Variants in CALN1 observed in about 807,000 individuals in gnomAD.
CALN1 encodes the protein calcium-binding protein 8.
CALN1 carries 17 observed loss-of-function variants against 30.6 expected under a neutral mutation model. That is an observed-to-expected ratio of 0.56 (90% CI 0.38 to 0.83). The LOEUF (loss-of-function observed/expected upper bound fraction) is 0.83, where lower values mean the gene tolerates loss of function less well. Among genes scored for constraint, CALN1 ranks in the 40% least tolerant of loss-of-function variants. CALN1 has a pLI of 0.00. For synonymous variants in CALN1, 156 were observed against 131.4 expected, an observed-to-expected ratio of 1.19 and a Z score of -1.28; for missense variants, 291 against 354.9, an observed-to-expected ratio of 0.82 and a Z score of 1.45.
chr7:72,439,404 G>A (rs6946008), intron 1 of CALN1, among the ~76,000 whole-genome samples: 16,026 of 151,998 alleles, frequency 0.11, 1,121 homozygotes, highest in African/African-American at 0.2. Flanking sequence ...TACTGATAAC[G>A]TAAACAGTTG....
chr7:72,395,792 G>C (rs1402264080), intron 2 of CALN1, among the ~76,000 whole-genome samples: 1 of 152,238 alleles, frequency 6.6e-6, no homozygotes, highest in East Asian at 1.9e-4. Context: ...AGCAAGCAAA[G>C]CATGCTTGTT....
intron 4 of CALN1, among the ~76,000 whole-genome samples, chr7:72,041,918 G>T (rs1342953044): frequency 6.6e-6 from 1 of 152,166 alleles, no homozygotes; most frequent in Non-Finnish European, 1.5e-5. Flanking sequence ...TGCCGTGATT[G>T]TGAGGCCTCC....
At chr7:72,310,876 G>A (rs1339466667) in intron 2 of CALN1, among the ~76,000 whole-genome samples, 3 of 142,224 alleles carry the variant, frequency 2.1e-5, no homozygotes, top group East Asian at 2.0e-4. Context: ...GCACTCTGTC[G>A]CCAGCCTGGC....
In CALN1 at chr7:71,846,835, A is replaced by ATATATG. The variant is rs34506098; in HGVS notation, c.502-36344_502-36343insCATATA. On this transcript the variant is annotated intron_variant, in intron 5 of 6. Coordinates refer to ENST00000395275, the MANE Select transcript of CALN1 (RefSeq NM_031468.4). ...TATATACATAAATATGTGTATATAC[A>ATATATG]TGTGTATATATTATATATGTATATA... is the stretch of plus-strand genomic sequence containing the variant. Among the ~76,000 whole-genome samples the ATATATG allele has an allele frequency of 2.2e-3, 319 of 144,268 alleles. 1 individual carries two copies. Among genetic ancestry groups the ATATATG allele is most frequent in the African/African-American group, 7.7e-3 (304 of 39,336 alleles). The allele number at this position is 144,268 out of a possible 152,430, so 94.6% of individuals were successfully genotyped here. A position where few individuals can be genotyped will look rare whatever the true frequency, so the allele number is the denominator to read the frequency against.
chr7:71,887,694 G>T (rs1343509944), intron 5 of CALN1, among the ~76,000 whole-genome samples: 3 of 152,126 alleles, frequency 2.0e-5, no homozygotes, highest in African/African-American at 7.2e-5. Flanking sequence ...AAAGCAAGAG[G>T]TCATCAAGGT....
chr7:72,377,264 T>C (rs1006262354), intron 2 of CALN1, among the ~76,000 whole-genome samples: 4 of 152,214 alleles, frequency 2.6e-5, no homozygotes, highest in Non-Finnish European at 5.9e-5. Context: ...TGCAGGTCAA[T>C]TTGGGGACTC....
intron 1 of CALN1, among the ~76,000 whole-genome samples, chr7:72,411,667 GA>G (rs1585696708): frequency 6.6e-6 from 1 of 152,154 alleles, no homozygotes; most frequent in East Asian, 1.9e-4. Context: ...CCTAAAAGTG[GA>G]TAAGTTCTCA....
intron 3 of CALN1, among the ~76,000 whole-genome samples, chr7:72,270,093 GTGTGTGTGTGTGTGTATGTA>G (rs1347184198): frequency 6.8e-6 from 1 of 148,008 alleles, no homozygotes; most frequent in Non-Finnish European, 1.5e-5. Flanking sequence ...GGGTGTTTCC[GTGTGTGTGTGTGTGTATGTA>G]TGTGTGTGTG....
At chr7:72,025,765 T>C (rs1414661146) in intron 4 of CALN1, among the ~76,000 whole-genome samples, 1 of 152,168 alleles carries the variant, frequency 6.6e-6, no homozygotes, top group Non-Finnish European at 1.5e-5. Context: ...TTTGTCCAAA[T>C]GCCCACACAT....
At chr7:72,335,397 C>T (rs1438572687) in intron 2 of CALN1, among the ~76,000 whole-genome samples, 1 of 152,160 alleles carries the variant, frequency 6.6e-6, no homozygotes, top group Admixed American at 6.5e-5. Context: ...TCTATGTGCA[C>T]GAATGTTGCG....
chr7:72,197,645 CAAT>C (rs1791128162), intron 3 of CALN1, among the ~76,000 whole-genome samples: 1 of 151,924 alleles, frequency 6.6e-6, no homozygotes, highest in African/African-American at 2.4e-5. Flanking sequence ...GCCTAGACAA[CAAT>C]GTGAGTTCTT....
At chr7:72,268,419 A>G (rs1796735469) in intron 3 of CALN1, among the ~76,000 whole-genome samples, 1 of 152,190 alleles carries the variant, frequency 6.6e-6, no homozygotes, top group Non-Finnish European at 1.5e-5. Context: ...GGCTGTAGAG[A>G]GCTATTTAAG....
intron 3 of CALN1, among the ~76,000 whole-genome samples, chr7:72,115,563 A>T (rs917646615): frequency 1.1e-4 from 15 of 131,170 alleles, no homozygotes; most frequent in African/African-American, 4.5e-4. Flanking sequence ...ATCTCGACTC[A>T]CTGCAACCTC....
At chr7:71,843,312 T>C (rs1354236061) in intron 5 of CALN1, among the ~76,000 whole-genome samples, 2 of 152,112 alleles carry the variant, frequency 1.3e-5, no homozygotes, top group African/African-American at 4.8e-5. Context: ...AATGCACTCA[T>C]TGCAACTAAG....
At chr7:72,415,675 C>T (rs921037656), upstream of CALN1, among the ~76,000 whole-genome samples, 4 of 152,208 alleles carry the variant, frequency 2.6e-5, no homozygotes, top group Non-Finnish European at 5.9e-5. Context: ...GCCTGTGAGC[C>T]ACCAACTCAC....
At position 71,831,936 on chromosome 7, in the gene CALN1, A is replaced by T. The variant is rs1370694601; in HGVS notation, c.502-21444T>A. Among the ~76,000 whole-genome samples, 6 of 150,538 alleles carry T rather than the reference A, an allele frequency of 4.0e-5. No individual in the cohort carries two copies. The East Asian group carries it at 1.2e-3, about 29-fold the overall frequency. ...AGAAAACTAAATAATAAGAAATGTTAATTTTCTTCCACAAAAATATGCAAA... is the reference window on the plus strand; with the variant it reads ...AGAAAACTAAATAATAAGAAATGTTTATTTTCTTCCACAAAAATATGCAAA... On this transcript the variant is annotated intron_variant, in intron 5 of 6. Coordinates refer to ENST00000395275, the MANE Select transcript of CALN1 (RefSeq NM_031468.4).
intron 2 of CALN1, among the ~76,000 whole-genome samples, chr7:72,380,569 C>T (rs1468497235): frequency 6.6e-6 from 1 of 152,096 alleles, no homozygotes. Context: ...TTTACCTGGG[C>T]GGTGACCGTG....
At chr7:72,002,007 T>G (rs1415972479) in intron 5 of CALN1, among the ~76,000 whole-genome samples, 1 of 152,088 alleles carries the variant, frequency 6.6e-6, no homozygotes, top group African/African-American at 2.4e-5. Context: ...GATAAAAACT[T>G]TCAGAAATTA....
chr7:71,851,511 G>A (rs1790644562), intron 5 of CALN1, among the ~76,000 whole-genome samples: 1 of 151,150 alleles, frequency 6.6e-6, no homozygotes, highest in East Asian at 1.9e-4. Flanking sequence ...AGGTGAGGCC[G>A]TGTCTCAAAA....
Sources: allele counts gnomAD v4.1 joint callset (sites outside exome capture counted in the v4.1 genomes callset), GRCh38; gene constraint gnomAD v4.1.1; transcripts MANE v1.5; gene names NCBI Gene and HGNC (gene_info 2026-07-23, HGNC 2026-07-21).